Variants in CMTM4 observed in about 807,000 individuals in gnomAD.
The protein encoded by CMTM4 is CKLF like MARVEL transmembrane domain containing 4.
A neutral mutation model predicts 19.0 loss-of-function variants in CMTM4; 8 were observed. The ratio of observed to expected loss-of-function variants is 0.42; its 90% CI spans 0.25 to 0.76. The LOEUF is 0.76. Among genes scored for constraint, CMTM4 ranks in the 30% least tolerant of loss-of-function variants. CMTM4 has a pLI of 0.27. For synonymous variants in CMTM4, 106 were observed against 121.1 expected (o/e 0.88, Z 0.82); for missense variants, 228 against 290.2 (o/e 0.79, Z 1.56).
the CMTM4 span, among the ~76,000 whole-genome samples, chr16:66,607,852 G>A: frequency 6.6e-6 from 1 of 151,400 alleles, no homozygotes; most frequent in Non-Finnish European, 1.5e-5. Flanking sequence ...TTTTTTGTAG[G>A]GGCGGGTGCG....
At position 66,619,237 on chromosome 16, in the gene CMTM4, C is replaced by T; in HGVS notation, c.*2821G>A. 1.0e-6 allele frequency: 1 copy of T among 985,374 alleles called. No individual in the cohort carries two copies. Among genetic ancestry groups the T allele is most frequent in the Non-Finnish European group, 1.2e-6 (1 of 829,926 alleles). The allele number at this position is 985,374 out of a possible 1,614,324, so 61.0% of individuals were successfully genotyped here. On this transcript the variant is annotated 3_prime_UTR_variant, in exon 4 of 4. Transcript: ENST00000394106. ...AAAGAGAATCAGAGGGAAAAAATACCAAATCCACCCAATCAGTGCCAAAAT... is the reference window on the plus strand; with the variant it reads ...AAAGAGAATCAGAGGGAAAAAATACTAAATCCACCCAATCAGTGCCAAAAT...
At chr16:66,613,934 C>A, downstream of CMTM4, 1 of 116,434 alleles carries the variant, frequency 8.6e-6, no homozygotes. Context: ...GGACCAGTTT[C>A]GTGGAAGACA....
At chr16:66,637,152 C>T (rs1282938337) in intron 1 of CMTM4, among the ~76,000 whole-genome samples, 2 of 152,138 alleles carry the variant, frequency 1.3e-5, no homozygotes, top group East Asian at 1.9e-4. Context: ...AAGAGGCGCA[C>T]CTAATTAATT....
chr16:66,651,031 C>G (rs1033314775), intron 1 of CMTM4, among the ~76,000 whole-genome samples: 1 of 152,242 alleles, frequency 6.6e-6, no homozygotes. Flanking sequence ...ATCTGAAAGA[C>G]GAGACAGGGC....
chr16:66,695,737 G>A (rs1596972403), intron 1 of CMTM4, among the ~76,000 whole-genome samples: 1 of 152,170 alleles, frequency 6.6e-6, no homozygotes, highest in Non-Finnish European at 1.5e-5. Context: ...GTGGATTCCG[G>A]GATGCCAAGT....
rs532822614 is a variant in CMTM4 at position 66,666,238 on chromosome 16, G to A, written c.187-29657C>T. Among the ~76,000 whole-genome samples, 469 of 152,192 alleles carry A rather than the reference G, an allele frequency of 3.1e-3. 1 individual carries two copies. Among genetic ancestry groups the A allele is most frequent in the Non-Finnish European group, 5.2e-3 (356 of 68,012 alleles). On this transcript the variant is annotated intron_variant, in intron 1 of 3. Coordinates refer to ENST00000394106, the MANE Select transcript of CMTM4 (RefSeq NM_181521.3). ...GAGGCCGAGGCAGGCGGATCACAAGGTCAGGAGATCGAGACCATCCTGACT... is the reference window on the plus strand; with the variant it reads ...GAGGCCGAGGCAGGCGGATCACAAGATCAGGAGATCGAGACCATCCTGACT...
intron 1 of CMTM4, among the ~76,000 whole-genome samples, chr16:66,684,396 C>CA (rs2016996571): frequency 6.6e-6 from 1 of 152,186 alleles, no homozygotes; most frequent in African/African-American, 2.4e-5. Context: ...AGGCTGGTCT[C>CA]AAACTCCTGA....
intron 1 of CMTM4, among the ~76,000 whole-genome samples, chr16:66,651,190 G>C (rs1422346145): frequency 6.6e-6 from 1 of 152,102 alleles, no homozygotes; most frequent in Non-Finnish European, 1.5e-5. Context: ...AACCAACAGG[G>C]GATGTTAAGA....
rs2015603307 is a variant in CMTM4, at chr16:66,620,134, CAGG to C, written c.*1921_*1923del. ...GGGGGCCAAGTAACATGATTCCCAG[CAGG>C]AGATTTCTGATAAAGCTCAGGATGG... On this transcript the variant is annotated 3_prime_UTR_variant, in exon 4 of 4. Coordinates refer to ENST00000394106, the MANE Select transcript of CMTM4 (RefSeq NM_181521.3). The C allele has an allele frequency of 3.0e-6, 3 of 985,448 alleles. No homozygotes were observed. The highest frequency in any genetic ancestry group is 3.6e-6 in the Non-Finnish European group (3 of 829,936). 61.0% of individuals were successfully genotyped at this position (985,448 alleles called of 1,614,324 possible).
At chr16:66,628,727 T>C (rs1214136628) in intron 2 of CMTM4, among the ~76,000 whole-genome samples, 1 of 152,236 alleles carries the variant, frequency 6.6e-6, no homozygotes, top group East Asian at 1.9e-4. Context: ...CTCTCTTTTT[T>C]TCCCCTACAT....
At chr16:66,651,933 G>A (rs1056295482) in intron 1 of CMTM4, among the ~76,000 whole-genome samples, 1 of 152,214 alleles carries the variant, frequency 6.6e-6, no homozygotes, top group African/African-American at 2.4e-5. Flanking sequence ...TATTCAATCT[G>A]CAACCAAGGT....
At chr16:66,629,069 C>T (rs2015799774) in intron 2 of CMTM4, among the ~76,000 whole-genome samples, 1 of 152,074 alleles carries the variant, frequency 6.6e-6, no homozygotes, top group African/African-American at 2.4e-5. Context: ...ACTTGAAAGG[C>T]TTAATACTGG....
chr16:66,623,327 G>A, intron 3 of CMTM4, 77 bp downstream of exon 3: 1 of 1,028,194 alleles, frequency 9.7e-7, no homozygotes, highest in Non-Finnish European at 1.5e-6. Context: ...GGGGGAGCAG[G>A]ACACATGCCA....
chr16:66,604,921 C>T, the CMTM4 span: 3 of 1,493,878 alleles, frequency 2.0e-6, no homozygotes, highest in Non-Finnish European at 2.7e-6. Flanking sequence ...TTCCTCTGCT[C>T]TCTCAAAGGC....
intron 1 of CMTM4, among the ~76,000 whole-genome samples, chr16:66,682,563 T>A (rs1013304022): frequency 3.9e-5 from 6 of 152,218 alleles, no homozygotes; most frequent in African/African-American, 1.4e-4. Flanking sequence ...ACATTTTAAG[T>A]GTTTATTAAC....
rs915123586 is a variant in CMTM4 at position 66,621,445 on chromosome 16, T to G, written c.*613A>C. On this transcript the variant is annotated 3_prime_UTR_variant, in exon 4 of 4. Coordinates refer to ENST00000394106, the MANE Select transcript of CMTM4 (RefSeq NM_181521.3). Reference sequence around the variant, plus strand: ...GTGATTCATTTGAGGAAGAATCAAGTGATTTCTCAGCAGAGTAGGAAACAA... The same window carrying G: ...GTGATTCATTTGAGGAAGAATCAAGGGATTTCTCAGCAGAGTAGGAAACAA... 1.8e-5 allele frequency: 18 copies of G among 985,772 alleles called. No homozygotes were observed. In the Admixed American group the frequency reaches 5.5e-4, roughly 30 times the overall value. 61.1% of individuals were successfully genotyped at this position (985,772 alleles called of 1,614,324 possible). A position where few individuals can be genotyped will look rare whatever the true frequency, so the allele number is the denominator to read the frequency against.
downstream of CMTM4, among the ~76,000 whole-genome samples, chr16:66,612,034 G>A (rs1443482027): frequency 6.6e-6 from 1 of 152,124 alleles, no homozygotes; most frequent in East Asian, 1.9e-4. This position sits in a 1 kb window ranked among gnomAD's most constrained non-coding sequence, Gnocchi z 6.0. Flanking sequence ...ACTCCGGAGG[G>A]GCTGGGCCTG....
At position 66,696,423 on chromosome 16, in the gene CMTM4, T is replaced by C. The variant is rs1390371887; in HGVS notation, c.103A>G (p.Ser35Gly). 1.4e-6 allele frequency: 2 copies of C among 1,398,972 alleles called. No homozygotes were observed. The highest frequency in any genetic ancestry group is 3.2e-5 in the East Asian group (1 of 31,310). 86.7% of individuals were successfully genotyped at this position (1,398,972 alleles called of 1,614,324 possible). Residue 35 changes from serine to glycine, a missense_variant, in exon 1 of 4, where the codon AGC becomes GGC. Physicochemically the swap from Ser to Gly is moderately conservative, Grantham distance 56. Transcript: ENST00000394106. The surrounding 1 kb of genome is among the most constrained non-coding windows in gnomAD (Gnocchi z 4.3). ...AGGCCGGCCAGCCCGCGGCGCTGGC[T>C]CACCGGCTCGGTGGTGGGCTGGTAC... The part of the protein sequence containing the change: ...SPYQPTTEPV[S>G]QRRGLAGLRC...
chr16:66,627,853 C>G, intron 2 of CMTM4, among the ~76,000 whole-genome samples: 1 of 152,188 alleles, frequency 6.6e-6, no homozygotes, highest in East Asian at 1.9e-4. Context: ...GAGACCGGCA[C>G]TCAGCATACC....
Sources: allele counts gnomAD v4.1 joint callset (sites outside exome capture counted in the v4.1 genomes callset), GRCh38; gene constraint gnomAD v4.1.1; non-coding constraint Gnocchi (gnomAD v3.1); transcripts MANE v1.5; gene names NCBI Gene and HGNC (gene_info 2026-07-23, HGNC 2026-07-21).